GALNT18: variants seen among roughly 807,000 people sequenced by gnomAD.
The protein encoded by GALNT18 is polypeptide N-acetylgalactosaminyltransferase 18.
Under a neutral mutation model 69.5 loss-of-function variants are expected in GALNT18, and 44 were observed. The ratio of observed to expected loss-of-function variants is 0.63; its 90% CI spans 0.50 to 0.81. The LOEUF (loss-of-function observed/expected upper bound fraction) is 0.81. Ranked by LOEUF, GALNT18 falls within the 40% of genes least tolerant of loss-of-function variation. The pLI, the probability that GALNT18 is intolerant of heterozygous loss-of-function variation, is 0.00. For synonymous variants in GALNT18, 364 were observed against 318.2 expected (o/e 1.14, Z -1.53); for missense variants, 715 against 810.0 (o/e 0.88, Z 1.42).
At position 11,444,391 on chromosome 11, in the gene GALNT18, C is replaced by T. The variant is rs773057162; in HGVS notation, c.428+4353G>A. On this transcript the variant is annotated intron_variant, in intron 2 of 10. Coordinates refer to ENST00000227756, the MANE Select transcript of GALNT18 (RefSeq NM_198516.3). This position sits in a 1 kb window ranked among gnomAD's most constrained non-coding sequence, Gnocchi z 4.4. ...GAGCCTGGGAAATGGTCAGCAGACT[C>T]GCCCTCCCACCAACCTCTGTCTGGG... 4.6e-5 allele frequency among the ~76,000 whole-genome samples: 7 copies of T among 152,230 alleles called. No individual in the cohort carries two copies. The highest frequency in any genetic ancestry group is 8.8e-5 in the Non-Finnish European group (6 of 68,032).
At chr11:11,307,834 A>G (rs1849604766) in intron 9 of GALNT18, among the ~76,000 whole-genome samples, 1 of 152,154 alleles carries the variant, frequency 6.6e-6, no homozygotes, top group Non-Finnish European at 1.5e-5. Flanking sequence ...GAAACTCCAT[A>G]CAGCCCTGAT....
At chr11:11,374,012 G>A (rs530693783) in intron 5 of GALNT18, among the ~76,000 whole-genome samples, 2 of 152,300 alleles carry the variant, frequency 1.3e-5, no homozygotes, top group African/African-American at 4.8e-5. Flanking sequence ...TCATTTCCCT[G>A]GGGAATGCAG....
intron 10 of GALNT18, among the ~76,000 whole-genome samples, chr11:11,292,162 G>A (rs1404245667): frequency 6.6e-6 from 1 of 152,140 alleles, no homozygotes; most frequent in Non-Finnish European, 1.5e-5. Flanking sequence ...CCCCCAGGCA[G>A]CCCTGAGGCT....
chr11:11,445,641 C>T lies in GALNT18; in HGVS notation c.428+3103G>A, dbSNP rs143535317. Reference sequence around the variant, plus strand: ...GCACGTGAGCTGAAATAGAGCTAGACGGAGCCTTCCAAGTACATGTGCAAA... The same window carrying T: ...GCACGTGAGCTGAAATAGAGCTAGATGGAGCCTTCCAAGTACATGTGCAAA... On this transcript the variant is annotated intron_variant, in intron 2 of 10. Transcript: ENST00000227756. Among the ~76,000 whole-genome samples, 255 of 152,312 alleles carry T rather than the reference C, an allele frequency of 1.7e-3. 8 individuals are homozygous for T. In the East Asian group the frequency reaches 0.041, roughly 24 times the overall value.
intron 3 of GALNT18, among the ~76,000 whole-genome samples, chr11:11,409,272 G>A (rs1357932654): frequency 6.6e-6 from 1 of 152,012 alleles, no homozygotes; most frequent in East Asian, 1.9e-4. Flanking sequence ...CAAATCCTGG[G>A]AAGGAAACTC....
intron 1 of GALNT18, among the ~76,000 whole-genome samples, chr11:11,588,303 C>T (rs1386958193): frequency 6.6e-6 from 1 of 152,134 alleles, no homozygotes; most frequent in African/African-American, 2.4e-5. Flanking sequence ...AACTACATCT[C>T]CCCCTTTGCA....
At chr11:11,449,585 C>A (rs910877555) in intron 1 of GALNT18, among the ~76,000 whole-genome samples, 2 of 152,252 alleles carry the variant, frequency 1.3e-5, no homozygotes, top group Non-Finnish European at 2.9e-5. Context: ...GGGCCCTGCT[C>A]ATGGGAGCCC....
intron 9 of GALNT18, among the ~76,000 whole-genome samples, chr11:11,304,819 T>C (rs1452514204): frequency 6.6e-6 from 1 of 152,234 alleles, no homozygotes; most frequent in Non-Finnish European, 1.5e-5. Flanking sequence ...TGTGATACAC[T>C]GTCTTTTTGT....
At chr11:11,308,399 C>T (rs1458271973) in intron 9 of GALNT18, among the ~76,000 whole-genome samples, 5 of 152,088 alleles carry the variant, frequency 3.3e-5, no homozygotes, top group Admixed American at 2.6e-4. Context: ...CTCACTCCAC[C>T]CCTGATATGC....
intron 3 of GALNT18, among the ~76,000 whole-genome samples, chr11:11,429,095 C>A (rs1205445720): frequency 6.6e-6 from 1 of 152,200 alleles, no homozygotes; most frequent in Non-Finnish European, 1.5e-5. Context: ...CTTCGACAGC[C>A]CCCATCTCCA....
intron 3 of GALNT18, among the ~76,000 whole-genome samples, chr11:11,412,727 T>C (rs78091427): frequency 0.021 from 3,154 of 152,338 alleles, 97 homozygotes; most frequent in African/African-American, 0.072. Flanking sequence ...ATGCTGTTGA[T>C]GCCCAACTGA....
rs558971315 is a variant in GALNT18 at position 11,353,282 on chromosome 11, C to A, written c.1093-12278G>T. The A allele has an allele frequency of 3.1e-5, 25 of 801,792 alleles. No individual in the cohort carries two copies. In the African/African-American group the frequency reaches 3.8e-4, roughly 12 times the overall value. 49.7% of individuals were successfully genotyped at this position (801,792 alleles called of 1,614,324 possible). ...CCGCTCTCCCTTCTGCTCACACAGA[C>A]AATATGGCGGCGATGGAGTGGGGAG... is the stretch of plus-strand genomic sequence containing the variant. On this transcript the variant is annotated intron_variant, in intron 6 of 10. Coordinates refer to ENST00000227756, the MANE Select transcript of GALNT18 (RefSeq NM_198516.3).
chr11:11,351,947 C>T (rs1375071844), intron 6 of GALNT18: 2 of 1,587,288 alleles, frequency 1.3e-6, no homozygotes, highest in African/African-American at 2.7e-5. Context: ...AGGGCCGTTA[C>T]TGCTGAGCGC....
chr11:11,271,042 A>C lies in GALNT18; in HGVS notation c.*102T>G, dbSNP rs1848815411. The C allele has an allele frequency of 7.3e-6, 8 of 1,096,374 alleles. No homozygotes were observed. The Admixed American group carries it at 2.1e-4, about 28-fold the overall frequency. 67.9% of individuals were successfully genotyped at this position (1,096,374 alleles called of 1,614,324 possible). On this transcript the variant is annotated 3_prime_UTR_variant, in exon 11 of 11. Coordinates refer to ENST00000227756, the MANE Select transcript of GALNT18 (RefSeq NM_198516.3). ...AAAAGCTCTTCTTGGGGGCCCACTA[A>C]CCTGGTTCCCCAGACTCCAAACAAC...
In GALNT18 at chr11:11,525,632, CTTTTTTT is replaced by C. The variant is rs33938067; in HGVS notation, c.236-76703_236-76697del. 1.2e-4 allele frequency among the ~76,000 whole-genome samples: 14 copies of C among 118,632 alleles called. No individual in the cohort carries two copies. In the South Asian group the frequency reaches 3.7e-3, roughly 31 times the overall value. 77.8% of individuals were successfully genotyped at this position (118,632 alleles called of 152,430 possible). A position where few individuals can be genotyped will look rare whatever the true frequency, so the allele number is the denominator to read the frequency against. ...TGATGATCTGGTGTTGTGCATATTACTTTTTTTTTTTTTTTTTTTGAGATGGAGTTTC... is the reference window on the plus strand; with the variant it reads ...TGATGATCTGGTGTTGTGCATATTACTTTTTTTTTTTTGAGATGGAGTTTC... On this transcript the variant is annotated intron_variant, in intron 1 of 10. Coordinates refer to ENST00000227756, the MANE Select transcript of GALNT18 (RefSeq NM_198516.3).
At chr11:11,534,683 C>G (rs977053612) in intron 1 of GALNT18, among the ~76,000 whole-genome samples, 7 of 152,248 alleles carry the variant, frequency 4.6e-5, no homozygotes, top group Admixed American at 1.3e-4. Context: ...AATCCATTTT[C>G]CATTGGCACT....
chr11:11,341,307 G>T lies in GALNT18; in HGVS notation c.1093-303C>A, dbSNP rs1387560650. Among the ~76,000 whole-genome samples, 2 of 152,150 alleles carry T rather than the reference G, an allele frequency of 1.3e-5. No homozygotes were observed. Among genetic ancestry groups the T allele is most frequent in the East Asian group, 3.9e-4 (2 of 5,184 alleles). The stretch of plus-strand genomic sequence containing the variant: ...ACCAAAAAAAGAGACCAGACATTTT[G>T]TTCCAAAGATCTGAATTCTCCTTGC... On this transcript the variant is annotated intron_variant, in intron 6 of 10. Coordinates refer to ENST00000227756, the MANE Select transcript of GALNT18 (RefSeq NM_198516.3). This position sits in a 1 kb window ranked among gnomAD's most constrained non-coding sequence, Gnocchi z 6.3.
intron 10 of GALNT18, among the ~76,000 whole-genome samples, chr11:11,285,408 G>A (rs891405584): frequency 6.6e-6 from 1 of 152,194 alleles, no homozygotes; most frequent in Non-Finnish European, 1.5e-5. Flanking sequence ...AGGGCACATA[G>A]TAAACACCAT....
At chr11:11,357,842 C>T (rs1850562271) in intron 6 of GALNT18, among the ~76,000 whole-genome samples, 1 of 152,212 alleles carries the variant, frequency 6.6e-6, no homozygotes, top group South Asian at 2.1e-4. Flanking sequence ...ATATCCAGTG[C>T]TTGGCCCAGC....
Sources: gnomAD v4.1 joint callset for allele counts (sites outside exome capture counted in the v4.1 genomes callset) on GRCh38, gnomAD v4.1.1 for gene constraint, Gnocchi (gnomAD v3.1) non-coding constraint, MANE v1.5 for transcripts, NCBI Gene and HGNC (gene_info 2026-07-23, HGNC 2026-07-21) for gene names.